EPB41L4B: variants seen among roughly 807,000 people sequenced by gnomAD.
EPB41L4B encodes erythrocyte membrane protein band 4.1 like 4B.
A neutral mutation model predicts 112.5 loss-of-function variants in EPB41L4B; 30 were observed. The ratio of observed to expected loss-of-function variants is 0.27; its 90% confidence interval spans 0.20 to 0.36. EPB41L4B has a LOEUF of 0.36. Ranked by LOEUF, EPB41L4B falls within the 10% of genes least tolerant of loss-of-function variation. The pLI, the probability that EPB41L4B is intolerant of heterozygous loss-of-function variation, is 1.00. For missense variants in EPB41L4B, 1,024 were observed against 1,133.3 expected, an observed-to-expected ratio of 0.90 and a Z score of 1.38; for synonymous variants, 408 against 439.7, an observed-to-expected ratio of 0.93 and a Z score of 0.90.
In EPB41L4B at chr9:109,191,357, C is replaced by A. The variant is rs866129719; in HGVS notation, c.2301+921G>T. Among the ~76,000 whole-genome samples the A allele has an allele frequency of 4.5e-3, 679 of 152,300 alleles. 4 individuals carry two copies. The highest frequency in any genetic ancestry group is 0.02 in the Middle Eastern group (6 of 294). On this transcript the variant is annotated intron_variant, in intron 22 of 25. Coordinates refer to ENST00000374566, the MANE Select transcript of EPB41L4B (RefSeq NM_019114.5). ...CAGCTGTGAAGTGGTGGCTGTGTCT[C>A]AGTGCAGTGCAAGGACCTCAGTTGT...
chr9:109,227,631 G>C (rs1212990251), intron 15 of EPB41L4B, among the ~76,000 whole-genome samples: 2 of 151,674 alleles, frequency 1.3e-5, no homozygotes, highest in African/African-American at 2.4e-5. Flanking sequence ...CATCAGGCTG[G>C]GGTGCAGTGG....
chr9:109,292,623 C>T (rs1425610406), intron 1 of EPB41L4B, among the ~76,000 whole-genome samples: 1 of 152,188 alleles, frequency 6.6e-6, no homozygotes, highest in African/African-American at 2.4e-5. Flanking sequence ...TACATGGGGA[C>T]TTAAAAAGTA....
At chr9:109,208,800 T>C (rs141636720) in intron 17 of EPB41L4B, among the ~76,000 whole-genome samples, 1 of 152,308 alleles carries the variant, frequency 6.6e-6, no homozygotes, top group East Asian at 1.9e-4. Context: ...GAAATCACCT[T>C]TGATGGTATA....
chr9:109,295,087 G>C (rs1836686590), intron 1 of EPB41L4B, among the ~76,000 whole-genome samples: 1 of 152,116 alleles, frequency 6.6e-6, no homozygotes, highest in Non-Finnish European at 1.5e-5. Flanking sequence ...CAATACACAA[G>C]AGTCCTGGCA....
At chr9:109,226,347 C>T (rs2118882415) in intron 15 of EPB41L4B, among the ~76,000 whole-genome samples, 1 of 152,220 alleles carries the variant, frequency 6.6e-6, no homozygotes, top group East Asian at 1.9e-4. Flanking sequence ...TCCCTCTAGA[C>T]TGTCTTCCTG....
At chr9:109,300,408 G>A (rs952521335) in intron 1 of EPB41L4B, 2 of 152,050 alleles carry the variant, frequency 1.3e-5, no homozygotes, top group African/African-American at 2.4e-5. Context: ...TTGAACAGCC[G>A]CAATTTTAAC....
intron 1 of EPB41L4B, among the ~76,000 whole-genome samples, chr9:109,304,917 T>C (rs1010082686): frequency 1.3e-5 from 2 of 151,556 alleles, no homozygotes; most frequent in Non-Finnish European, 2.9e-5. Flanking sequence ...AGGTAGAGGG[T>C]TTCCTTTTGG....
chr9:109,262,862 A>G (rs893816549), intron 6 of EPB41L4B, among the ~76,000 whole-genome samples, 188 bp downstream of exon 6: 3 of 152,098 alleles, frequency 2.0e-5, no homozygotes, highest in African/African-American at 7.2e-5. Flanking sequence ...TCCTGAAGGA[A>G]CTGCACTGCA....
chr9:109,287,879 G>C (rs935203386), intron 1 of EPB41L4B, among the ~76,000 whole-genome samples: 3 of 152,170 alleles, frequency 2.0e-5, no homozygotes, highest in African/African-American at 7.2e-5. Flanking sequence ...TGGGATTACA[G>C]GTGTGAGCCA....
rs370420883 is a variant in EPB41L4B at position 109,243,971 on chromosome 9, C to T, written c.1345-289G>A. On this transcript the variant is annotated intron_variant, in intron 14 of 25. Coordinates refer to ENST00000374566, the MANE Select transcript of EPB41L4B (RefSeq NM_019114.5). The stretch of plus-strand genomic sequence containing the variant: ...TGACAACACCGGCCTTGAAGGGGGT[C>T]GTCCGGAGTACCAGAGACAAGCTGT... 3.4e-4 allele frequency among the ~76,000 whole-genome samples: 52 copies of T among 152,282 alleles called. No individual in the cohort carries two copies. The East Asian group carries it at 9.3e-3, about 27-fold the overall frequency.
intron 15 of EPB41L4B, chr9:109,240,458 C>T: frequency 1.0e-6 from 1 of 985,326 alleles, no homozygotes; most frequent in Non-Finnish European, 1.2e-6. Context: ...GAGGGCCTAA[C>T]ATGGGCAAAA....
At chr9:109,282,837 T>G (rs1836119955) in intron 1 of EPB41L4B, among the ~76,000 whole-genome samples, 1 of 152,010 alleles carries the variant, frequency 6.6e-6, no homozygotes, top group African/African-American at 2.4e-5. Flanking sequence ...ATTACAGGCG[T>G]GCGCCACCAA....
intron 1 of EPB41L4B, among the ~76,000 whole-genome samples, chr9:109,297,817 C>T (rs1014320924): frequency 1.2e-4 from 19 of 152,220 alleles, no homozygotes; most frequent in African/African-American, 4.6e-4. Flanking sequence ...GTATTCTGTA[C>T]ATAAGAAGCA....
intron 15 of EPB41L4B, among the ~76,000 whole-genome samples, chr9:109,233,300 A>G (rs1408664067): frequency 6.6e-6 from 1 of 152,126 alleles, no homozygotes; most frequent in Non-Finnish European, 1.5e-5. Context: ...TTGTAACTAG[A>G]AGTACATCCA....
intron 1 of EPB41L4B, among the ~76,000 whole-genome samples, chr9:109,318,151 G>A (rs1354038697): frequency 1.1e-4 from 1 of 8,732 alleles, no homozygotes; most frequent in East Asian, 1.8e-3. Flanking sequence ...GGGCATATAC[G>A]TGTGTGTGTG....
chr9:109,250,638 G>A (rs1453967863), intron 13 of EPB41L4B, among the ~76,000 whole-genome samples: 1 of 152,158 alleles, frequency 6.6e-6, no homozygotes, highest in Non-Finnish European at 1.5e-5. Context: ...ACTCACCTGG[G>A]CAGCTTTAAA....
chr9:109,216,148 CCT>C (rs1588142900), intron 16 of EPB41L4B, among the ~76,000 whole-genome samples: 1 of 152,212 alleles, frequency 6.6e-6, no homozygotes, highest in Admixed American at 6.5e-5. Flanking sequence ...ACTCCCCTCC[CCT>C]CTTTCTCTTT....
rs1835275675 is a variant in EPB41L4B at position 109,263,064 on chromosome 9, G to T, written c.617C>A (p.Ala206Asp). The change falls in exon 6 of 26, where the codon GCT becomes GAT. Residue 206 changes from alanine to aspartate, a missense_variant. Coordinates refer to ENST00000374566, the MANE Select transcript of EPB41L4B (RefSeq NM_019114.5). ...GATTAATGTACCTTGTAGACAGAGAGCAGCTAATTCCACAGCTGTTTCATA... is the reference window on the plus strand; with the variant it reads ...GATTAATGTACCTTGTAGACAGAGATCAGCTAATTCCACAGCTGTTTCATA... ...CPYETAVELAALCLQAELGEC... is the reference protein window; with the variant it reads ...CPYETAVELADLCLQAELGEC... The T allele has an allele frequency of 6.3e-7, 1 of 1,595,952 alleles. No homozygotes were observed. Among genetic ancestry groups the T allele is most frequent in the Non-Finnish European group, 8.6e-7 (1 of 1,168,008 alleles).
chr9:109,282,681 G>C (rs1836113341), intron 1 of EPB41L4B, among the ~76,000 whole-genome samples: 1 of 152,096 alleles, frequency 6.6e-6, no homozygotes, highest in African/African-American at 2.4e-5. Flanking sequence ...AACCACTCAG[G>C]ACAAATGATC....
Sources: allele counts gnomAD v4.1 joint callset (sites outside exome capture counted in the v4.1 genomes callset), GRCh38; gene constraint gnomAD v4.1.1; transcripts MANE v1.5; gene names NCBI Gene and HGNC (gene_info 2026-07-23, HGNC 2026-07-21).